The following DTNA variants were observed in gnomAD, a reference collection of about 807,000 sequenced individuals.
DTNA encodes dystrobrevin alpha.
Under a neutral mutation model 100.7 loss-of-function variants are expected in DTNA, and 43 were observed. The ratio of observed to expected loss-of-function variants is 0.43; its 90% CI spans 0.33 to 0.55. The LOEUF (loss-of-function observed/expected upper bound fraction) is 0.55. DTNA is among the 20% of genes least tolerant of loss of function. The pLI, the probability that DTNA is intolerant of heterozygous loss-of-function variation, is 0.04. For missense variants in DTNA, 798 were observed against 953.9 expected (o/e 0.84, Z 2.15); for synonymous variants, 349 against 347.9 (o/e 1.00, Z -0.04).
chr18:34,868,619 T>G, intron 17 of DTNA: 2 of 985,438 alleles, frequency 2.0e-6, no homozygotes, highest in Non-Finnish European at 2.4e-6. Flanking sequence ...TGCTTTATCA[T>G]AAGTCTGTGT....
chr18:34,520,590 G>A (rs537208955), intron 1 of DTNA, among the ~76,000 whole-genome samples: 15 of 152,200 alleles, frequency 9.9e-5, no homozygotes, highest in Admixed American at 3.9e-4. Context: ...GGAGGCAAAG[G>A]TTGCAGTGAG....
intron 15 of DTNA, among the ~76,000 whole-genome samples, chr18:34,857,721 AAG>A (rs1491357687): frequency 6.6e-6 from 1 of 152,150 alleles, no homozygotes; most frequent in African/African-American, 2.4e-5. Context: ...AGAAAAAAAA[AAG>A]AGAAAGAATT....
chr18:34,604,260 A>G (rs1034669536), intron 1 of DTNA, among the ~76,000 whole-genome samples: 1 of 152,186 alleles, frequency 6.6e-6, no homozygotes, highest in Non-Finnish European at 1.5e-5. Context: ...CTCTCCCATC[A>G]TTTCAAAATA....
chr18:34,813,204 G>A (rs1192418285), intron 6 of DTNA, among the ~76,000 whole-genome samples: 1 of 152,100 alleles, frequency 6.6e-6, no homozygotes, highest in African/African-American at 2.4e-5. Flanking sequence ...GACTGGGTGT[G>A]GTGGCTCACT....
chr18:34,816,064 G>C (rs2095589552), intron 7 of DTNA, 50 bp downstream of exon 7: 1 of 1,551,886 alleles, frequency 6.4e-7, no homozygotes. Context: ...ATTGAAATTA[G>C]GCCATTAGTT....
intron 1 of DTNA, among the ~76,000 whole-genome samples, chr18:34,755,300 T>C (rs1438941259): frequency 6.6e-6 from 1 of 152,250 alleles, no homozygotes; most frequent in Non-Finnish European, 1.5e-5. Flanking sequence ...GTTTTAACTG[T>C]TGGCATTTTA....
intron 15 of DTNA, among the ~76,000 whole-genome samples, chr18:34,853,829 T>C (rs1456625546): frequency 6.6e-6 from 1 of 152,156 alleles, no homozygotes; most frequent in East Asian, 1.9e-4. Flanking sequence ...GTCTGTAAAA[T>C]TACCTATTCT....
At chr18:34,690,379 T>G (rs1032743584) in intron 1 of DTNA, among the ~76,000 whole-genome samples, 3 of 152,166 alleles carry the variant, frequency 2.0e-5, no homozygotes, top group Non-Finnish European at 2.9e-5. Context: ...TTCCCTTGGC[T>G]AGGGGAGGGA....
chr18:34,815,466 G>A (rs1242428841), intron 6 of DTNA: 1 of 210,172 alleles, frequency 4.8e-6, no homozygotes, highest in African/African-American at 2.4e-5. Flanking sequence ...TAAATATTTA[G>A]TACTTAAGGA....
At chr18:34,814,193 G>A (rs1344215980) in intron 6 of DTNA, among the ~76,000 whole-genome samples, 1 of 152,124 alleles carries the variant, frequency 6.6e-6, no homozygotes, top group Non-Finnish European at 1.5e-5. Context: ...CAAATATGCA[G>A]ATGATCTGAC....
chr18:34,750,200 A>T (rs895812258), intron 1 of DTNA, among the ~76,000 whole-genome samples: 2 of 152,220 alleles, frequency 1.3e-5, no homozygotes, highest in Non-Finnish European at 2.9e-5. Context: ...TTCCAAAAAC[A>T]TTGTCCTGCT....
At chr18:34,818,660 C>A in intron 8 of DTNA, 1 of 1,140,482 alleles carries the variant, frequency 8.8e-7, no homozygotes, top group South Asian at 2.4e-5. Context: ...AAGTTAAAAT[C>A]TTTTCCAAGT....
chr18:34,744,426 C>A (rs559345351), intron 1 of DTNA, among the ~76,000 whole-genome samples: 1 of 151,948 alleles, frequency 6.6e-6, no homozygotes, highest in Non-Finnish European at 1.5e-5. Context: ...ATTTCTTTTC[C>A]CACCATAATT....
chr18:34,838,867 C>G (rs138035614), intron 13 of DTNA, 30 bp downstream of exon 13: 24 of 1,588,608 alleles, frequency 1.5e-5, no homozygotes, highest in Non-Finnish European at 2.1e-5. Flanking sequence ...CTTGACTGTC[C>G]TTAGAGAGGG....
intron 1 of DTNA, among the ~76,000 whole-genome samples, chr18:34,561,361 A>C (rs765505745): frequency 6.6e-6 from 1 of 152,016 alleles, no homozygotes; most frequent in African/African-American, 2.4e-5. Context: ...TGAAATCACT[A>C]CTCTCTCAGG....
intron 9 of DTNA, among the ~76,000 whole-genome samples, chr18:34,824,821 C>T (rs1376441143): frequency 1.3e-5 from 2 of 148,920 alleles, no homozygotes; most frequent in Admixed American, 6.8e-5. Flanking sequence ...GCTGAGATTA[C>T]AAGTGTGAGC....
chr18:34,748,049 C>T (rs961016763), intron 1 of DTNA, among the ~76,000 whole-genome samples: 41 of 152,202 alleles, frequency 2.7e-4, no homozygotes, highest in African/African-American at 9.9e-4. Context: ...TTGCATTTCC[C>T]TGATGATTAG....
chr18:34,553,783 C>G (rs2045719164), intron 1 of DTNA, among the ~76,000 whole-genome samples: 1 of 151,940 alleles, frequency 6.6e-6, no homozygotes, highest in East Asian at 1.9e-4. Flanking sequence ...GTTACTGTAG[C>G]CTTGTATAGT....
intron 1 of DTNA, among the ~76,000 whole-genome samples, chr18:34,570,828 A>G (rs541877850): frequency 1.3e-5 from 2 of 152,280 alleles, no homozygotes; most frequent in African/African-American, 4.8e-5. Flanking sequence ...CCTCTATGTA[A>G]GGCAGAGCTA....
Sources: gnomAD v4.1 joint callset for allele counts (sites outside exome capture counted in the v4.1 genomes callset) on GRCh38, gnomAD v4.1.1 for gene constraint, MANE v1.5 for transcripts, NCBI Gene and HGNC (gene_info 2026-07-23, HGNC 2026-07-21) for gene names.